The following STARD9 variants were observed in gnomAD, a reference collection of about 807,000 sequenced individuals.
STARD9 encodes StAR related lipid transfer domain containing 9, also known as stAR-related lipid transfer protein 9.
STARD9 carries 346 observed loss-of-function variants against 399.8 expected under a neutral mutation model. The ratio of observed to expected loss-of-function variants is 0.87; its 90% CI spans 0.79 to 0.95. The LOEUF (loss-of-function observed/expected upper bound fraction) is 0.95. Ranked by LOEUF, STARD9 falls within the 40% of genes least tolerant of loss-of-function variation. The pLI, the probability that STARD9 is intolerant of heterozygous loss-of-function variation, is 0.00. For missense variants in STARD9, 5,832 were observed against 5,667.5 expected, an observed-to-expected ratio of 1.03 and a Z score of -0.93; for synonymous variants, 2,203 against 2,143.5, an observed-to-expected ratio of 1.03 and a Z score of -0.77.
intron 3 of STARD9, among the ~76,000 whole-genome samples, chr15:42,609,951 A>G (rs55715446): frequency 4.0e-5 from 6 of 151,794 alleles, no homozygotes; most frequent in Non-Finnish European, 8.8e-5. Flanking sequence ...AAATTAGCTG[A>G]GCATGGTGGT....
chr15:42,638,678 G>T (rs760601503), intron 6 of STARD9, 22 bp from the exon 7 acceptor site: 3 of 1,455,070 alleles, frequency 2.1e-6, no homozygotes, highest in Non-Finnish European at 2.8e-6. Context: ...TAATTATGTT[G>T]CCTTTTTCTA....
chr15:42,626,013 C>G (rs1027068556), intron 3 of STARD9, among the ~76,000 whole-genome samples: 11 of 152,206 alleles, frequency 7.2e-5, no homozygotes, highest in African/African-American at 2.6e-4. Flanking sequence ...CCTCTGCCTC[C>G]TAAGTTCGAG....
intron 26 of STARD9, among the ~76,000 whole-genome samples, chr15:42,707,884 A>C (rs972110300): frequency 1.3e-5 from 2 of 152,178 alleles, no homozygotes; most frequent in Middle Eastern, 3.4e-3. Context: ...AAAGTAAAAA[A>C]ATTTGAGAGC....
In STARD9 at chr15:42,694,708, T is replaced by A. The variant is rs1245231803; in HGVS notation, c.12945T>A (p.Asp4315Glu). 6.5e-7 allele frequency: 1 copy of A among 1,536,718 alleles called. No individual in the cohort carries two copies. Among genetic ancestry groups the A allele is most frequent in the South Asian group, 1.2e-5 (1 of 84,016 alleles). ...AATACCTGCAGCAACTGAGGAAGGA[T>A]GTTGTGGAGACCACCAGGTAGTGTG... Reference protein sequence around the residue: ...RREYLQQLRKDVVETTRSPES... With the variant: ...RREYLQQLRKEVVETTRSPES... The change falls in exon 24 of 33, where the codon GAT (aspartate) becomes GAA (glutamate). Residue 4315 changes from aspartate to glutamate, a missense_variant. By Grantham distance (45) the Asp-to-Glu change is conservative (BLOSUM62 2). Transcript: ENST00000290607.
chr15:42,636,906 A>G (rs924205169), intron 4 of STARD9, among the ~76,000 whole-genome samples: 2 of 151,912 alleles, frequency 1.3e-5, no homozygotes, highest in Admixed American at 6.6e-5. Context: ...TCTCTACTAA[A>G]AATACAAATT....
chr15:42,670,586 G>T (rs758230645), intron 16 of STARD9: 1 of 152,124 alleles, frequency 6.6e-6, no homozygotes, highest in Non-Finnish European at 1.5e-5. Context: ...CCCAGCTGAC[G>T]TTTAAAAAGA....
intron 9 of STARD9, among the ~76,000 whole-genome samples, chr15:42,656,213 G>A (rs563814169): frequency 3.3e-5 from 5 of 151,502 alleles, no homozygotes; most frequent in African/African-American, 1.2e-4. Flanking sequence ...AAAATTTGCT[G>A]TTGCGCTCCT....
At chr15:42,598,394 G>T (rs965899245) in intron 3 of STARD9, among the ~76,000 whole-genome samples, 1 of 150,516 alleles carries the variant, frequency 6.6e-6, no homozygotes, top group African/African-American at 2.4e-5. Flanking sequence ...GGTGTGTTAG[G>T]CTTCGAAAGG....
chr15:42,602,771 T>C (rs2058653571), intron 3 of STARD9, among the ~76,000 whole-genome samples: 1 of 152,216 alleles, frequency 6.6e-6, no homozygotes, highest in African/African-American at 2.4e-5. Flanking sequence ...GCAATCAGCC[T>C]GATTGGTTGT....
intron 1 of STARD9, chr15:42,581,543 C>G (rs1029663641): frequency 2.8e-5 from 34 of 1,199,982 alleles, no homozygotes; most frequent in South Asian, 1.1e-4. Context: ...GGCGCCGGGC[C>G]GGTCTGCTCC....
intron 26 of STARD9, among the ~76,000 whole-genome samples, chr15:42,701,456 C>T (rs1366173978): frequency 6.6e-6 from 1 of 152,032 alleles, no homozygotes; most frequent in African/African-American, 2.4e-5. Context: ...GATCTTTCAC[C>T]TCTTTGGTTA....
chr15:42,684,836 C>G lies in STARD9; in HGVS notation c.3258C>G (p.Phe1086Leu). 1 of 1,537,190 alleles carries G rather than the reference C, an allele frequency of 6.5e-7. No individual in the cohort carries two copies. The highest frequency in any genetic ancestry group is 8.7e-7 in the Non-Finnish European group (1 of 1,146,932). ...DPDTMVPLTD[F>L]SPVMDHSREK... is the part of the protein sequence containing the mutation. ...ACACCATGGTCCCACTCACAGATTT[C>G]AGCCCAGTAATGGATCATTCAAGAG... Residue 1086 changes from phenylalanine to leucine, a missense_variant, in exon 23 of 33, where the codon TTC becomes TTG. By Grantham distance (22) the Phe-to-Leu change is conservative. Coordinates refer to ENST00000290607, the MANE Select transcript of STARD9 (RefSeq NM_020759.3).
intron 13 of STARD9, among the ~76,000 whole-genome samples, chr15:42,664,456 A>G (rs1016908258): frequency 6.6e-6 from 1 of 152,152 alleles, no homozygotes; most frequent in Non-Finnish European, 1.5e-5. Flanking sequence ...TTCAACCTCC[A>G]GGGCTTAAGT....
intron 26 of STARD9, among the ~76,000 whole-genome samples, chr15:42,713,504 A>G (rs1374873990): frequency 2.0e-5 from 3 of 152,300 alleles, no homozygotes; most frequent in East Asian, 3.9e-4. Flanking sequence ...ATCTTTCACC[A>G]TTAAGTATGA....
chr15:42,662,691 T>A (rs2060014051), intron 10 of STARD9, 103 bp from the exon 11 acceptor site: 1 of 697,092 alleles, frequency 1.4e-6, no homozygotes, highest in Admixed American at 2.7e-5. Flanking sequence ...ATGTGAGTCC[T>A]TTACAGCATG....
In STARD9 at chr15:42,692,922, C is replaced by A; in HGVS notation, c.11344C>A (p.Pro3782Thr). ...SQEEGDVPGV[P>T]QKREAEETAQ... ...AGAAGAGGGAGATGTGCCAGGGGTA[C>A]CTCAGAAGAGAGAGGCAGAGGAAAC... The change falls in exon 23 of 33, where the codon CCT becomes ACT. Residue 3782 changes from proline to threonine, a missense_variant. Pro to Thr is a conservative substitution (Grantham distance 38). Coordinates refer to ENST00000290607, the MANE Select transcript of STARD9 (RefSeq NM_020759.3). 1 of 1,537,242 alleles carries A rather than the reference C, an allele frequency of 6.5e-7. No individual in the cohort carries two copies. The highest frequency in any genetic ancestry group is 8.7e-7 in the Non-Finnish European group (1 of 1,146,914).
chr15:42,675,868 C>T lies in STARD9; in HGVS notation c.1771-4C>T, dbSNP rs1029424530. On this transcript the variant is annotated splice_polypyrimidine_tract_variant and splice_region_variant and intron_variant, in intron 19 of 32. Transcript: ENST00000290607. ...GCCTCACTGTGCTTTCTTCCTTGTT[C>T]AAGGTTGGAGAGGCTGCTGCTGGTC... 3 of 1,537,042 alleles carry T rather than the reference C, an allele frequency of 2.0e-6. No homozygotes were observed. The highest frequency in any genetic ancestry group is 2.7e-5 in the African/African-American group (2 of 73,028).
intron 3 of STARD9, among the ~76,000 whole-genome samples, chr15:42,613,119 T>G (rs1456473833): frequency 6.6e-6 from 1 of 152,168 alleles, no homozygotes; most frequent in African/African-American, 2.4e-5. Context: ...GATTTATGTT[T>G]CTGTATGCAT....
intron 3 of STARD9, among the ~76,000 whole-genome samples, chr15:42,617,592 G>A (rs890403610): frequency 6.6e-6 from 1 of 152,128 alleles, no homozygotes. Flanking sequence ...TCAATGGGGG[G>A]AATGTGAGTA....
Sources: allele counts gnomAD v4.1 joint callset (sites outside exome capture counted in the v4.1 genomes callset), GRCh38; gene constraint gnomAD v4.1.1; transcripts MANE v1.5; gene names NCBI Gene and HGNC (gene_info 2026-07-23, HGNC 2026-07-21).